Variants in MAP4K1 observed in about 807,000 individuals in gnomAD.
MAP4K1 encodes the protein mitogen-activated protein kinase kinase kinase kinase 1, also known as MAPK/ERK kinase kinase kinase 1.
A neutral mutation model predicts 122.8 loss-of-function variants in MAP4K1; 35 were observed. The observed-to-expected ratio is 0.29, with a 90% CI of 0.22 to 0.38. The LOEUF (loss-of-function observed/expected upper bound fraction) is 0.38, where lower values mean the gene tolerates loss of function less well. MAP4K1 is among the 10% of genes least tolerant of loss of function. MAP4K1 has a pLI of 1.00. For synonymous variants in MAP4K1, 412 were observed against 421.3 expected (o/e 0.98, Z 0.27); for missense variants, 791 against 1,072.6 (o/e 0.74, Z 3.67).
At chr19:38,590,106 C>T (rs1201339789) in intron 30 of MAP4K1, among the ~76,000 whole-genome samples, 2 of 151,534 alleles carry the variant, frequency 1.3e-5, no homozygotes, top group African/African-American at 4.8e-5. Flanking sequence ...ACCAAATGAC[C>T]GAAGTTAATA....
chr19:38,592,885 C>G (rs1436018232), intron 30 of MAP4K1, among the ~76,000 whole-genome samples: 2 of 151,934 alleles, frequency 1.3e-5, no homozygotes, highest in Non-Finnish European at 2.9e-5. Flanking sequence ...CCATTGCACT[C>G]CAGCCTGGGC....
intron 13 of MAP4K1, among the ~76,000 whole-genome samples, chr19:38,608,496 G>A (rs1428408181): frequency 2.6e-5 from 4 of 151,920 alleles, no homozygotes; most frequent in African/African-American, 4.8e-5. Flanking sequence ...TACAAAAAAT[G>A]ATTAAAAATT....
intron 30 of MAP4K1, among the ~76,000 whole-genome samples, chr19:38,589,923 G>A (rs532195077): frequency 2.6e-5 from 4 of 152,050 alleles, no homozygotes; most frequent in East Asian, 1.9e-4. Flanking sequence ...CCAGCTACCC[G>A]GGAGGTTGAG....
chr19:38,596,334 G>A lies in MAP4K1; in HGVS notation c.2094C>T (p.Cys698=). Residue 698 remains cysteine (C), a synonymous_variant, in exon 26 of 31, where the codon TGC becomes TGT. Transcript: ENST00000396857. Reference sequence around the variant, plus strand: ...CACCGGTGCTCATCTCGCCCAGCCAGCAAGAGAGCGCGCCAAAGCGCACCG... The same window carrying A: ...CACCGGTGCTCATCTCGCCCAGCCAACAAGAGAGCGCGCCAAAGCGCACCG... ...FHTVRFGALS[C]WLGEMSTEHR... 6.3e-7 allele frequency: 1 copy of A among 1,596,216 alleles called. No homozygotes were observed. Among genetic ancestry groups the A allele is most frequent in the Non-Finnish European group, 8.5e-7 (1 of 1,171,638 alleles).
Position 38,617,455 on chromosome 19 carries a change from G to T in MAP4K1, c.158-11C>A, listed in dbSNP as rs767615705. The stretch of plus-strand genomic sequence containing the variant: ...TGGAGACATCATCATCTGTGAGGAG[G>T]GCGGGAGAGAAAAGGCAGCTCGCAT... On this transcript the variant is annotated splice_polypyrimidine_tract_variant and intron_variant, in intron 2 of 30. Coordinates refer to ENST00000396857, the MANE Select transcript of MAP4K1 (RefSeq NM_001042600.3). This position sits in a 1 kb window ranked among gnomAD's most constrained non-coding sequence, Gnocchi z 4.1. The T allele has an allele frequency of 1.2e-6, 2 of 1,607,426 alleles. No homozygotes were observed. Among genetic ancestry groups the T allele is most frequent in the Admixed American group, 1.7e-5 (1 of 60,014 alleles).
chr19:38,596,994 C>G, intron 25 of MAP4K1, 40 bp downstream of exon 25: 1 of 1,583,420 alleles, frequency 6.3e-7, no homozygotes, highest in Non-Finnish European at 8.7e-7. Flanking sequence ...CCTTAGCCAC[C>G]CACTCCTCAG....
rs1363985471 is a variant in MAP4K1, at chr19:38,595,655, C to T, written c.2254G>A (p.Ala752Thr). ...CTGCACAGACCCACGGCCTCCACCGCTTCGGTCATGGGGATCTCAGGTGTG... is the reference window on the plus strand; with the variant it reads ...CTGCACAGACCCACGGCCTCCACCGTTTCGGTCATGGGGATCTCAGGTGTG... ...LRTPEIPMTE[A>T]VEAVAMVGGQ... is the part of the protein sequence containing the mutation. The change falls in exon 28 of 31, where the codon GCG (alanine) becomes ACG (threonine). Residue 752 changes from alanine (A) to threonine (T), a missense_variant. By Grantham distance (58) the Ala-to-Thr change is moderately conservative. Coordinates refer to ENST00000396857, the MANE Select transcript of MAP4K1 (RefSeq NM_001042600.3). The T allele has an allele frequency of 8.1e-6, 13 of 1,613,584 alleles. No individual in the cohort carries two copies. Among genetic ancestry groups the T allele is most frequent in the African/African-American group, 1.3e-5 (1 of 74,932 alleles).
At chr19:38,591,970 CAAA>C (rs34002038) in intron 30 of MAP4K1, among the ~76,000 whole-genome samples, 2 of 84,980 alleles carry the variant, frequency 2.4e-5, no homozygotes, top group Non-Finnish European at 2.6e-5. Flanking sequence ...GAATCCGTCT[CAAA>C]AAAAAAAAAA....
In MAP4K1 at chr19:38,611,275, G is replaced by A; in HGVS notation, c.696C>T (p.Tyr232=). 6.2e-7 allele frequency: 1 copy of A among 1,613,052 alleles called. No individual in the cohort carries two copies. The highest frequency in any genetic ancestry group is 8.5e-7 in the Non-Finnish European group (1 of 1,179,620). The change falls in exon 10 of 31, where the codon TAC becomes TAT. Residue 232 remains tyrosine, a synonymous_variant. Coordinates refer to ENST00000396857, the MANE Select transcript of MAP4K1 (RefSeq NM_001042600.3). The part of the protein sequence containing the change: ...RVLFLMTKSG[Y]QPPRLKEKGK... Reference sequence around the variant, plus strand: ...CTTTTTCCTTCAGTCGGGGAGGCTGGTAGCCACTCTTGGTCATGAGGAAGA... The same window carrying A: ...CTTTTTCCTTCAGTCGGGGAGGCTGATAGCCACTCTTGGTCATGAGGAAGA...
intron 19 of MAP4K1, among the ~76,000 whole-genome samples, chr19:38,605,103 AAGC>A (rs1236238183): frequency 6.6e-6 from 1 of 151,420 alleles, no homozygotes; most frequent in African/African-American, 2.4e-5. Context: ...AAAAAAAAAA[AAGC>A]AGAAACAACA....
At chr19:38,599,012 C>CAAAA (rs944497385) in intron 22 of MAP4K1, among the ~76,000 whole-genome samples, 2 of 37,996 alleles carry the variant, frequency 5.3e-5, no homozygotes, top group African/African-American at 2.0e-4. Context: ...GAGTCTATCT[C>CAAAA]AAAAAAAAAA....
intron 30 of MAP4K1, among the ~76,000 whole-genome samples, chr19:38,591,734 G>T (rs1374103641): frequency 6.6e-6 from 1 of 152,056 alleles, no homozygotes; most frequent in Non-Finnish European, 1.5e-5. Flanking sequence ...ACTTTGGGAG[G>T]CCGAGGCGGG....
chr19:38,594,897 C>T (rs893757605), intron 29 of MAP4K1, among the ~76,000 whole-genome samples: 11 of 151,146 alleles, frequency 7.3e-5, no homozygotes, highest in African/African-American at 2.4e-4. Context: ...GCCGAGATCG[C>T]GCCACTACAC....
chr19:38,591,742 G>A (rs999482976), intron 30 of MAP4K1, among the ~76,000 whole-genome samples: 3 of 151,266 alleles, frequency 2.0e-5, no homozygotes, highest in Middle Eastern at 3.5e-3. Flanking sequence ...AGGCCGAGGC[G>A]GGCAGATCAC....
intron 17 of MAP4K1, 132 bp from the exon 18 acceptor site, chr19:38,605,862 T>C: frequency 1.2e-6 from 1 of 820,806 alleles, no homozygotes; most frequent in East Asian, 2.8e-5. Flanking sequence ...GACAACATCT[T>C]GTGCCCCCTC....
At chr19:38,611,453 G>T in intron 9 of MAP4K1, 148 bp from the exon 10 acceptor site, 1 of 654,156 alleles carries the variant, frequency 1.5e-6, no homozygotes, top group Admixed American at 2.3e-5. Context: ...GTGCACCAGG[G>T]TGCCTCTCCT....
At chr19:38,608,257 CGGG>C in intron 13 of MAP4K1, 87 bp from the exon 14 acceptor site, 1 of 488,954 alleles carries the variant, frequency 2.0e-6, no homozygotes, top group South Asian at 5.2e-5. Context: ...GTAGAATTGG[CGGG>C]GGGGTTGCAG....
intron 30 of MAP4K1, among the ~76,000 whole-genome samples, chr19:38,590,455 G>A (rs1974695813): frequency 8.1e-6 from 1 of 123,144 alleles, no homozygotes; most frequent in African/African-American, 3.1e-5. Flanking sequence ...GCGTCACTAG[G>A]ACAACGGGTG....
In MAP4K1 at chr19:38,614,423, G is replaced by A; in HGVS notation, c.336C>T (p.Leu112=). 1.2e-6 allele frequency: 2 copies of A among 1,614,126 alleles called. No homozygotes were observed. Among genetic ancestry groups the A allele is most frequent in the Non-Finnish European group, 8.5e-7 (1 of 1,180,026 alleles). ...CTTCCCGGCAGACATAGCTAATCTG[G>A]AGCTCTGACAGGGAGCCTGTCACTG... is the stretch of plus-strand genomic sequence containing the variant. ...IYQVTGSLSE[L]QISYVCREVL... The change falls in exon 5 of 31, where the codon CTC becomes CTT. Residue 112 remains leucine, a synonymous_variant. Coordinates refer to ENST00000396857, the MANE Select transcript of MAP4K1 (RefSeq NM_001042600.3).
Sources: gnomAD v4.1 joint callset for allele counts (sites outside exome capture counted in the v4.1 genomes callset) on GRCh38, gnomAD v4.1.1 for gene constraint, Gnocchi (gnomAD v3.1) non-coding constraint, MANE v1.5 for transcripts, NCBI Gene and HGNC (gene_info 2026-07-23, HGNC 2026-07-21) for gene names.